Variants in RAPGEF2 observed in about 807,000 individuals in gnomAD.
The protein encoded by RAPGEF2 is Rap guanine nucleotide exchange factor 2, also known as PDZ domain containing guanine nucleotide exchange factor (GEF) 1.
RAPGEF2 carries 54 observed loss-of-function variants against 186.7 expected under a neutral mutation model. That is an observed-to-expected ratio of 0.29 (90% CI 0.23 to 0.36). RAPGEF2 has a LOEUF of 0.36. Among genes scored for constraint, RAPGEF2 ranks in the 10% least tolerant of loss-of-function variants. The pLI is 1.00. For missense variants in RAPGEF2, 1,532 were observed against 2,045.0 expected (o/e 0.75, Z 4.84); for synonymous variants, 712 against 705.9 (o/e 1.01, Z -0.14).
At chr4:159,159,463 T>C (rs1004385612) in intron 1 of RAPGEF2, among the ~76,000 whole-genome samples, 8 of 106,092 alleles carry the variant, frequency 7.5e-5, no homozygotes, top group Non-Finnish European at 1.2e-4. Flanking sequence ...TTTAAGTACA[T>C]ATAGTGGGAT....
At chr4:159,222,701 G>T (rs1384698156) in intron 4 of RAPGEF2, among the ~76,000 whole-genome samples, 1 of 152,150 alleles carries the variant, frequency 6.6e-6, no homozygotes, top group African/African-American at 2.4e-5. Flanking sequence ...AATTCAGGGT[G>T]TATCTTAAAA....
At chr4:159,205,910 A>G (rs545172159) in intron 3 of RAPGEF2, among the ~76,000 whole-genome samples, 51 of 151,764 alleles carry the variant, frequency 3.4e-4, no homozygotes, top group Non-Finnish European at 7.4e-5. Flanking sequence ...GAACACTTAC[A>G]TTAGCCTACA....
chr4:159,144,651 G>A (rs1339111433), intron 1 of RAPGEF2, among the ~76,000 whole-genome samples: 1 of 152,124 alleles, frequency 6.6e-6, no homozygotes, highest in African/African-American at 2.4e-5. Context: ...CCATGTACTT[G>A]TAGCCTGGCT....
At chr4:159,339,626 G>GT (rs1207931530) in intron 19 of RAPGEF2, among the ~76,000 whole-genome samples, 4 of 152,158 alleles carry the variant, frequency 2.6e-5, no homozygotes, top group African/African-American at 9.7e-5. Context: ...AATGCGTGCT[G>GT]TAACTTCTCA....
chr4:159,294,637 T>TCCTTCCTTCCTG (rs1282457341), intron 7 of RAPGEF2, among the ~76,000 whole-genome samples: 9 of 65,196 alleles, frequency 1.4e-4, no homozygotes, highest in Non-Finnish European at 2.3e-4. Context: ...TTCCATTTCT[T>TCCTTCCTTCCTG]CCTTCCTTCC....
chr4:159,340,753 CAA>C (rs1351034109), intron 19 of RAPGEF2, among the ~76,000 whole-genome samples: 1 of 91,722 alleles, frequency 1.1e-5, no homozygotes, highest in Non-Finnish European at 2.2e-5. Flanking sequence ...AAAACAAAAA[CAA>C]AACAAAAAAT....
intron 6 of RAPGEF2, among the ~76,000 whole-genome samples, chr4:159,242,497 C>T (rs184412935): frequency 1.9e-4 from 29 of 151,828 alleles, no homozygotes; most frequent in Admixed American, 5.9e-4. Flanking sequence ...CTCAGAGAGC[C>T]CTTTTTATTT....
At chr4:159,208,109 A>G (rs906190841) in intron 3 of RAPGEF2, among the ~76,000 whole-genome samples, 14 of 152,116 alleles carry the variant, frequency 9.2e-5, no homozygotes, top group Non-Finnish European at 1.6e-4. Context: ...TGTTGAGCTA[A>G]GTAGTCATGA....
rs560614111 is a variant in RAPGEF2, at chr4:159,207,618, C to G, written c.198-2882C>G. 2.0e-4 allele frequency among the ~76,000 whole-genome samples: 30 copies of G among 152,320 alleles called. No individual in the cohort carries two copies. In the East Asian group the frequency reaches 5.8e-3, roughly 29 times the overall value. The stretch of plus-strand genomic sequence containing the variant: ...CGAACTGTTCATTTAATCCTTGCAG[C>G]AGCCTAGTAACTTGCCCCAGGCCAC... On this transcript the variant is annotated intron_variant, in intron 3 of 29. Transcript: ENST00000691494.
At chr4:159,278,922 C>G (rs1759292986) in intron 7 of RAPGEF2, among the ~76,000 whole-genome samples, 1 of 152,080 alleles carries the variant, frequency 6.6e-6, no homozygotes, top group Admixed American at 6.5e-5. Context: ...AAAATTAAAC[C>G]TGTTACACAC....
chr4:159,178,648 C>T (rs1480300462), intron 1 of RAPGEF2, among the ~76,000 whole-genome samples: 3 of 150,586 alleles, frequency 2.0e-5, no homozygotes, highest in Non-Finnish European at 3.0e-5. Context: ...ACCTCCACCT[C>T]CCGGGTTCAA....
chr4:159,350,319 T>A (rs764699338), intron 26 of RAPGEF2, 30 bp downstream of exon 26: 24 of 1,488,528 alleles, frequency 1.6e-5, no homozygotes, highest in Non-Finnish European at 2.0e-5. Flanking sequence ...TGTTTTCTTG[T>A]ATTGAAACCT....
intron 7 of RAPGEF2, among the ~76,000 whole-genome samples, chr4:159,300,919 C>T (rs903118156): frequency 5.5e-4 from 84 of 152,156 alleles, no homozygotes; most frequent in Admixed American, 1.0e-3. Flanking sequence ...GTTTGTTTGC[C>T]TCCTAGAAAC....
At chr4:159,150,573 T>C (rs1743432779) in intron 1 of RAPGEF2, among the ~76,000 whole-genome samples, 1 of 152,170 alleles carries the variant, frequency 6.6e-6, no homozygotes, top group Non-Finnish European at 1.5e-5. Context: ...TGAGACCTAA[T>C]GTACCATGAA....
chr4:159,246,777 C>G (rs1448655850), intron 7 of RAPGEF2, among the ~76,000 whole-genome samples: 3 of 152,042 alleles, frequency 2.0e-5, no homozygotes, highest in Non-Finnish European at 2.9e-5. Context: ...ATTATTTATT[C>G]AGTTTTTTAC....
Position 159,108,248 on chromosome 4 carries a change from T to G in RAPGEF2, c.69+4017T>G, listed in dbSNP as rs1401615450. On this transcript the variant is annotated intron_variant, in intron 1 of 29. Coordinates refer to ENST00000691494, the MANE Select transcript of RAPGEF2 (RefSeq NM_001394067.2). Reference sequence around the variant, plus strand: ...AATAACCCTTTAAACATTTAGTAATTAACAGTTCCATAATTAGCTTTGCAT... The same window carrying G: ...AATAACCCTTTAAACATTTAGTAATGAACAGTTCCATAATTAGCTTTGCAT... Among the ~76,000 whole-genome samples, 3 of 152,198 alleles carry G rather than the reference T, an allele frequency of 2.0e-5. No individual in the cohort carries two copies. The East Asian group carries it at 5.8e-4, about 29-fold the overall frequency.
intron 1 of RAPGEF2, among the ~76,000 whole-genome samples, chr4:159,105,994 G>A (rs1737828358): frequency 6.6e-6 from 1 of 152,174 alleles, no homozygotes; most frequent in Non-Finnish European, 1.5e-5. Flanking sequence ...CACCAAACAA[G>A]ACTAGAAGAG....
intron 7 of RAPGEF2, chr4:159,267,373 T>C (rs771299646): frequency 2.4e-6 from 3 of 1,247,194 alleles, no homozygotes; most frequent in Non-Finnish European, 3.2e-6. Flanking sequence ...TGAGATTGTG[T>C]GTGTGCATGT....
At chr4:159,351,361 G>A (rs963222942) in intron 26 of RAPGEF2, among the ~76,000 whole-genome samples, 2 of 151,718 alleles carry the variant, frequency 1.3e-5, no homozygotes, top group South Asian at 4.2e-4. Flanking sequence ...GTCAGAACTT[G>A]CAGTGTGGTT....
Sources: allele counts gnomAD v4.1 joint callset (sites outside exome capture counted in the v4.1 genomes callset), GRCh38; gene constraint gnomAD v4.1.1; transcripts MANE v1.5; gene names NCBI Gene and HGNC (gene_info 2026-07-23, HGNC 2026-07-21).